SHANK2: variants seen among roughly 807,000 people sequenced by gnomAD.
The protein encoded by SHANK2 is SH3 and multiple ankyrin repeat domains 2, also known as SH3 and multiple ankyrin repeat domains protein 2.
Under a neutral mutation model 133.7 loss-of-function variants are expected in SHANK2, and 43 were observed. The ratio of observed to expected loss-of-function variants is 0.32; its 90% confidence interval spans 0.25 to 0.41. The LOEUF (loss-of-function observed/expected upper bound fraction) is 0.41. Ranked by LOEUF, SHANK2 falls within the 10% of genes least tolerant of loss-of-function variation. SHANK2 has a pLI of 1.00. For synonymous variants in SHANK2, 1,017 were observed against 952.8 expected (o/e 1.07, Z -1.24); for missense variants, 1,994 against 2,235.8 (o/e 0.89, Z 2.18).
At chr11:71,156,867 G>A (rs1358611173) in intron 2 of SHANK2, among the ~76,000 whole-genome samples, 1 of 152,168 alleles carries the variant, frequency 6.6e-6, no homozygotes, top group South Asian at 2.1e-4. Context: ...GCTATGGTCT[G>A]AGTTGCCCAT....
At chr11:70,799,108 C>T (rs544663170) in intron 13 of SHANK2, among the ~76,000 whole-genome samples, 2 of 152,262 alleles carry the variant, frequency 1.3e-5, no homozygotes, top group South Asian at 2.1e-4. Context: ...GGAGAAATCA[C>T]AGCAGAGGTC....
At chr11:71,146,373 C>T (rs10792503) in intron 3 of SHANK2, among the ~76,000 whole-genome samples, 14,673 of 97,406 alleles carry the variant, frequency 0.15, 870 homozygotes, top group African/African-American at 0.29. Context: ...CCTCTGCACA[C>T]GAAGCTCCCC....
Position 70,631,408 on chromosome 11 carries a change from A to ACACACACACACC in SHANK2, c.2061+28419_2061+28420insGGTGTGTGTGTG, listed in dbSNP as rs1555002113. Among the ~76,000 whole-genome samples the ACACACACACACC allele has an allele frequency of 1.8e-3, 274 of 148,900 alleles. 1 individual carries two copies. Among genetic ancestry groups the ACACACACACACC allele is most frequent in the East Asian group, 5.6e-3 (28 of 5,016 alleles). Reference sequence around the variant, plus strand: ...CACACACACACACACACACACACACACCCACACAACCTCCCTCCCACCTGC... The same window carrying ACACACACACACC: ...CACACACACACACACACACACACACACACACACACACCCCCACACAACCTCCCTCCCACCTGC... On this transcript the variant is annotated intron_variant, in intron 17 of 25. Transcript: ENST00000601538.
intron 17 of SHANK2, among the ~76,000 whole-genome samples, chr11:70,600,351 G>A (rs534098810): frequency 6.0e-5 from 9 of 149,804 alleles, no homozygotes; most frequent in Admixed American, 2.0e-4. Flanking sequence ...CCTGGGAGGC[G>A]GAGGTGTCAG....
chr11:70,676,405 T>A (rs1555017200), intron 15 of SHANK2, among the ~76,000 whole-genome samples: 1 of 152,212 alleles, frequency 6.6e-6, no homozygotes, highest in East Asian at 1.9e-4. Context: ...GTTGGGGAAC[T>A]GCTCCCTGGC....
At chr11:71,072,432 G>A (rs1461009750) in intron 9 of SHANK2, among the ~76,000 whole-genome samples, 2 of 152,332 alleles carry the variant, frequency 1.3e-5, no homozygotes, top group East Asian at 3.9e-4. Context: ...AGCCTTCAGT[G>A]TTTCCTAGAT....
In SHANK2 at chr11:70,486,891, G is replaced by C; in HGVS notation, c.3402C>G (p.Asp1134Glu). ...ATGACAGCTGCTCAGCGCTGTCCTC[G>C]TCAGCAAAATCCCCCTCCTCGGGGA... ...SMFPEEGDFA[D>E]EDSAEQLSSP... The change falls in exon 25 of 26, where the codon GAC (aspartate) becomes GAG (glutamate). Residue 1134 changes from aspartate to glutamate, a missense_variant. Asp to Glu is a conservative substitution (Grantham distance 45). This residue lies in a region of SHANK2 where 797 missense variants were observed against 907.4 expected (regional missense o/e 0.88). Transcript: ENST00000601538. This position sits in a 1 kb window ranked among gnomAD's most constrained non-coding sequence, Gnocchi z 8.0. The C allele has an allele frequency of 1.9e-6, 3 of 1,612,692 alleles. No individual in the cohort carries two copies. The highest frequency in any genetic ancestry group is 2.5e-6 in the Non-Finnish European group (3 of 1,179,858).
intron 14 of SHANK2, among the ~76,000 whole-genome samples, chr11:70,730,916 T>A (rs1946277479): frequency 6.7e-6 from 1 of 148,440 alleles, no homozygotes; most frequent in South Asian, 2.1e-4. Flanking sequence ...AGTTAACACA[T>A]CCACAATGCT....
intron 11 of SHANK2, chr11:70,864,592 C>G (rs1949322845): frequency 6.6e-6 from 1 of 152,260 alleles, no homozygotes; most frequent in Non-Finnish European, 1.5e-5. Flanking sequence ...TGTAATGAAC[C>G]AAACGTTTGT....
intron 15 of SHANK2, among the ~76,000 whole-genome samples, chr11:70,689,094 A>G (rs1945220310): frequency 6.6e-6 from 1 of 152,204 alleles, no homozygotes; most frequent in African/African-American, 2.4e-5. Flanking sequence ...AGATCTGCCC[A>G]TACCTGGCTG....
intron 3 of SHANK2, among the ~76,000 whole-genome samples, chr11:71,130,921 T>C (rs534617032): frequency 6.6e-6 from 1 of 152,332 alleles, no homozygotes; most frequent in South Asian, 2.1e-4. Context: ...AACTCCAAGT[T>C]TCTGAGCACG....
At chr11:71,215,253 A>G (rs1954382327) in intron 2 of SHANK2, among the ~76,000 whole-genome samples, 1 of 152,200 alleles carries the variant, frequency 6.6e-6, no homozygotes, top group South Asian at 2.1e-4. Flanking sequence ...CTCGGTGTCC[A>G]CCACAGTCTC....
chr11:71,133,779 T>G (rs1310928337), intron 3 of SHANK2, among the ~76,000 whole-genome samples: 1 of 152,164 alleles, frequency 6.6e-6, no homozygotes, highest in Non-Finnish European at 1.5e-5. Flanking sequence ...GGGCAGAAAA[T>G]GTGCTCATGT....
At chr11:70,810,026 CAGG>C (rs1948246151) in intron 12 of SHANK2, among the ~76,000 whole-genome samples, 1 of 152,348 alleles carries the variant, frequency 6.6e-6, no homozygotes, top group South Asian at 2.1e-4. Context: ...TGTGCACAGC[CAGG>C]AGAATTCCAA....
rs782081380 is a variant in SHANK2 at position 70,573,736 on chromosome 11, G to A, written c.2062-70805C>T. ...TGAGGGTGAGGAGGGGAAACGGGGCGCCAGCCGATGCCCCAAGCCCCCAAC... is the reference window on the plus strand; with the variant it reads ...TGAGGGTGAGGAGGGGAAACGGGGCACCAGCCGATGCCCCAAGCCCCCAAC... On this transcript the variant is annotated intron_variant, in intron 17 of 25. Transcript: ENST00000601538. 2.2e-3 allele frequency among the ~76,000 whole-genome samples: 336 copies of A among 152,168 alleles called. 1 individual carries two copies. The highest frequency in any genetic ancestry group is 3.6e-3 in the Non-Finnish European group (244 of 67,942).
At chr11:71,137,299 TAAAAA>T (rs10534209) in intron 3 of SHANK2, among the ~76,000 whole-genome samples, 2 of 112,776 alleles carry the variant, frequency 1.8e-5, no homozygotes, top group East Asian at 2.4e-4. Context: ...AATCCTTACT[TAAAAA>T]AAAAAAAAAA....
At chr11:70,790,241 G>A (rs1342362288) in intron 14 of SHANK2, among the ~76,000 whole-genome samples, 1 of 152,212 alleles carries the variant, frequency 6.6e-6, no homozygotes, top group East Asian at 1.9e-4. Flanking sequence ...GGAAGATGCG[G>A]AAGGCAGTCA....
At chr11:70,832,424 G>A (rs1435657356) in intron 11 of SHANK2, among the ~76,000 whole-genome samples, 1 of 152,184 alleles carries the variant, frequency 6.6e-6, no homozygotes, top group Non-Finnish European at 1.5e-5. Context: ...CCACTCCTAA[G>A]GGCTCCCGTG....
chr11:70,553,253 C>T (rs2059791926), intron 17 of SHANK2, among the ~76,000 whole-genome samples: 1 of 152,006 alleles, frequency 6.6e-6, no homozygotes, highest in African/African-American at 2.4e-5. Context: ...CCACGCCAGG[C>T]TAATTTTTTT....
Sources: allele counts gnomAD v4.1 joint callset (sites outside exome capture counted in the v4.1 genomes callset), GRCh38; gene constraint gnomAD v4.1.1; regional missense constraint gnomAD v4.1.1; non-coding constraint Gnocchi (gnomAD v3.1); transcripts MANE v1.5; gene names NCBI Gene and HGNC (gene_info 2026-07-23, HGNC 2026-07-21).